The following MLLT1 variants were observed in gnomAD, a reference collection of about 807,000 sequenced individuals.
MLLT1 encodes protein ENL.
A neutral mutation model predicts 55.1 loss-of-function variants in MLLT1; 11 were observed. The ratio of observed to expected loss-of-function variants is 0.20; its 90% CI spans 0.13 to 0.33. MLLT1 has a LOEUF of 0.33. Among genes scored for constraint, MLLT1 ranks in the 10% least tolerant of loss-of-function variants. The pLI is 1.00. For missense variants in MLLT1, 536 were observed against 760.6 expected (o/e 0.70, Z 3.47); for synonymous variants, 323 against 320.1 (o/e 1.01, Z -0.10).
rs10413358 is a variant in MLLT1 at position 6,246,152 on chromosome 19, G to A, written c.277-15439C>T. ...AACCTGACCATATTCAAGGGCTGGCGAAGATTTGGAGCAACGGGAACTCTT... is the reference window on the plus strand; with the variant it reads ...AACCTGACCATATTCAAGGGCTGGCAAAGATTTGGAGCAACGGGAACTCTT... On this transcript the variant is annotated intron_variant, in intron 3 of 11. Coordinates refer to ENST00000252674, the MANE Select transcript of MLLT1 (RefSeq NM_005934.4). Among the ~76,000 whole-genome samples the A allele has an allele frequency of 2.3e-3, 344 of 150,240 alleles. 2 individuals carry two copies. The highest frequency in any genetic ancestry group is 7.9e-3 in the African/African-American group (326 of 41,018).
In MLLT1 at chr19:6,230,450, T is replaced by C. The variant is rs1271840903; in HGVS notation, c.420+120A>G. The C allele has an allele frequency of 4.0e-6, 5 of 1,250,852 alleles. No individual in the cohort carries two copies. The Admixed American group carries it at 9.8e-5, about 24-fold the overall frequency. 77.5% of individuals were successfully genotyped at this position (1,250,852 alleles called of 1,614,324 possible). ...CCTCCAGCTCTGCTGGGTGCTGCCG[T>C]GTGACCTGCGCCTTGGGTCTCGGCC... On this transcript the variant is annotated intron_variant, in intron 4 of 11. Transcript: ENST00000252674. This position sits in a 1 kb window ranked among gnomAD's most constrained non-coding sequence, Gnocchi z 9.0.
At position 6,211,836 on chromosome 19, in the gene MLLT1, C is replaced by T. The variant is rs1192126860; in HGVS notation, c.*1206G>A. 1.2e-5 allele frequency: 13 copies of T among 1,064,118 alleles called. No individual in the cohort carries two copies. The highest frequency in any genetic ancestry group is 1.6e-5 in the African/African-American group (1 of 60,970). The allele number at this position is 1,064,118 out of a possible 1,614,324, so 65.9% of individuals were successfully genotyped here. A position where few individuals can be genotyped will look rare whatever the true frequency, so the allele number is the denominator to read the frequency against. On this transcript the variant is annotated 3_prime_UTR_variant, in exon 12 of 12. Transcript: ENST00000252674. The surrounding 1 kb of genome is among the most constrained non-coding windows in gnomAD (Gnocchi z 4.6). ...AGGACCGGCTTGGCCCCTGGAGAAT[C>T]TCAGGCATACCAGGAGTGGGGCTGC...
Position 6,211,963 on chromosome 19 carries a change from G to A in MLLT1, c.*1079C>T, listed in dbSNP as rs1459989611. On this transcript the variant is annotated 3_prime_UTR_variant, in exon 12 of 12. Coordinates refer to ENST00000252674, the MANE Select transcript of MLLT1 (RefSeq NM_005934.4). This position sits in a 1 kb window ranked among gnomAD's most constrained non-coding sequence, Gnocchi z 4.6. ...GGAGGGCCAGCCCGGCCAACCCACC[G>A]GGCCTGCTGATGGCCGAGCCCACGC... is the stretch of plus-strand genomic sequence containing the variant. 30 of 1,065,126 alleles carry A rather than the reference G, an allele frequency of 2.8e-5. No homozygotes were observed. The highest frequency in any genetic ancestry group is 5.3e-5 in the Admixed American group (1 of 18,732). 66.0% of individuals were successfully genotyped at this position (1,065,126 alleles called of 1,614,324 possible). A position where few individuals can be genotyped will look rare whatever the true frequency, so the allele number is the denominator to read the frequency against.
intron 1 of MLLT1, among the ~76,000 whole-genome samples, chr19:6,275,732 G>A (rs1266566871): frequency 2.6e-5 from 4 of 152,170 alleles, no homozygotes; most frequent in South Asian, 2.1e-4. Flanking sequence ...ATGACAAAGC[G>A]ATGAGAAGGC....
At chr19:6,272,721 C>T (rs2091405172) in intron 1 of MLLT1, among the ~76,000 whole-genome samples, 1 of 152,192 alleles carries the variant, frequency 6.6e-6, no homozygotes, top group Non-Finnish European at 1.5e-5. Context: ...ATTAATTAAA[C>T]CAGAGAGCCT....
intron 2 of MLLT1, among the ~76,000 whole-genome samples, chr19:6,266,560 G>A (rs1012344931): frequency 2.6e-5 from 4 of 152,072 alleles, no homozygotes; most frequent in African/African-American, 7.2e-5. Context: ...AGGTTCAAGC[G>A]ATTTTCCTGC....
In MLLT1 at chr19:6,216,517, G is replaced by C. The variant is rs769044658; in HGVS notation, c.1199-4C>G. 2.5e-5 allele frequency: 39 copies of C among 1,577,480 alleles called. No individual in the cohort carries two copies. Among genetic ancestry groups the C allele is most frequent in the African/African-American group, 1.2e-4 (9 of 74,408 alleles). On this transcript the variant is annotated splice_region_variant and splice_polypyrimidine_tract_variant and intron_variant, in intron 7 of 11. Transcript: ENST00000252674. ...TCCACCATGGAGCGCAGGGGTCCTG[G>C]GGAGGCGGGGCAGGGAGGGAGGGGA...
At chr19:6,215,414 G>A (rs76163874) in intron 8 of MLLT1, among the ~76,000 whole-genome samples, 1,871 of 152,262 alleles carry the variant, frequency 0.012, 39 homozygotes, top group African/African-American at 0.042. Context: ...AGCCCTCCTC[G>A]TGTCTAGAGT....
At chr19:6,216,605 TTGACAC>T (rs1338701991) in intron 7 of MLLT1, 92 bp from the exon 8 acceptor site, 2 of 868,080 alleles carry the variant, frequency 2.3e-6, no homozygotes, top group Admixed American at 2.4e-5. Flanking sequence ...GCAGAGCTTC[TTGACAC>T]TGGTGACCCC....
At chr19:6,213,620 G>A in intron 10 of MLLT1, 106 bp downstream of exon 10, 1 of 1,174,070 alleles carries the variant, frequency 8.5e-7, no homozygotes, top group Admixed American at 1.8e-5. Context: ...TGCCCAGGAA[G>A]AGTCCAACTG....
At chr19:6,265,851 G>A (rs1340190705) in intron 2 of MLLT1, among the ~76,000 whole-genome samples, 2 of 147,488 alleles carry the variant, frequency 1.4e-5, no homozygotes, top group African/African-American at 5.0e-5. Context: ...TGGTGGTGGG[G>A]GCTTGTAGTC....
intron 1 of MLLT1, among the ~76,000 whole-genome samples, chr19:6,272,823 G>A (rs2091405880): frequency 6.6e-6 from 1 of 152,222 alleles, no homozygotes; most frequent in Admixed American, 6.5e-5. Context: ...TGGAAGAACT[G>A]GCCAGAGAGG....
rs2090782136 is a variant in MLLT1, at chr19:6,212,260, G to A, written c.*782C>T. ...CTTTGTAGTGTTGGCTGACCCCCCCGGGAGCCCCGGTAGGAGGCGGCGGCA... is the reference window on the plus strand; with the variant it reads ...CTTTGTAGTGTTGGCTGACCCCCCCAGGAGCCCCGGTAGGAGGCGGCGGCA... On this transcript the variant is annotated 3_prime_UTR_variant, in exon 12 of 12. Transcript: ENST00000252674. The A allele has an allele frequency of 5.1e-5, 54 of 1,064,798 alleles. No homozygotes were observed. The highest frequency in any genetic ancestry group is 5.6e-5 in the Non-Finnish European group (49 of 879,226). 66.0% of individuals were successfully genotyped at this position (1,064,798 alleles called of 1,614,324 possible).
chr19:6,211,810 G>A lies in MLLT1; in HGVS notation c.*1232C>T. The A allele has an allele frequency of 9.4e-7, 1 of 1,064,190 alleles. No homozygotes were observed. Among genetic ancestry groups the A allele is most frequent in the African/African-American group, 1.6e-5 (1 of 61,102 alleles). 65.9% of individuals were successfully genotyped at this position (1,064,190 alleles called of 1,614,324 possible). A position where few individuals can be genotyped will look rare whatever the true frequency, so the allele number is the denominator to read the frequency against. On this transcript the variant is annotated 3_prime_UTR_variant, in exon 12 of 12. Transcript: ENST00000252674. This position sits in a 1 kb window ranked among gnomAD's most constrained non-coding sequence, Gnocchi z 4.6. ...GGCCCTGGAAGAGTGGGCCGGGAAG[G>A]AGGACCGGCTTGGCCCCTGGAGAAT...
chr19:6,270,832 A>G lies in MLLT1; in HGVS notation c.13-73T>C. ...CAGGGGACTGTCCCCTTACCCACAG[A>G]GAACTTTCGATAAAGACCCCCAGCA... On this transcript the variant is annotated intron_variant, in intron 1 of 11. Coordinates refer to ENST00000252674, the MANE Select transcript of MLLT1 (RefSeq NM_005934.4). The surrounding 1 kb of genome is among the most constrained non-coding windows in gnomAD (Gnocchi z 7.1). 7.0e-7 allele frequency: 1 copy of G among 1,437,864 alleles called. No individual in the cohort carries two copies. Among genetic ancestry groups the G allele is most frequent in the African/African-American group, 1.4e-5 (1 of 70,454 alleles). 89.1% of individuals were successfully genotyped at this position (1,437,864 alleles called of 1,614,324 possible). A position where few individuals can be genotyped will look rare whatever the true frequency, so the allele number is the denominator to read the frequency against.
intron 3 of MLLT1, among the ~76,000 whole-genome samples, chr19:6,257,032 G>A (rs759493009): frequency 1.9e-4 from 29 of 152,302 alleles, no homozygotes; most frequent in African/African-American, 7.0e-4. Flanking sequence ...AAGTTCACTC[G>A]AAAATGGATC....
chr19:6,251,464 G>A (rs2091213636), intron 3 of MLLT1, among the ~76,000 whole-genome samples: 1 of 152,188 alleles, frequency 6.6e-6, no homozygotes, highest in South Asian at 2.1e-4. Context: ...CAGAGCCCTG[G>A]TCCTGAGCTT....
intron 1 of MLLT1, among the ~76,000 whole-genome samples, chr19:6,271,770 A>T (rs2091396804): frequency 6.6e-6 from 1 of 152,236 alleles, no homozygotes; most frequent in Non-Finnish European, 1.5e-5. Flanking sequence ...AAGTGCTGAG[A>T]TAGCCGGGAG....
intron 7 of MLLT1, chr19:6,216,718 TC>T (rs1443498075): frequency 8.8e-6 from 5 of 569,808 alleles, no homozygotes; most frequent in Non-Finnish European, 1.3e-5. Flanking sequence ...ACGCCCTGGC[TC>T]CCCCACCCCT....
Sources: gnomAD v4.1 joint callset for allele counts (sites outside exome capture counted in the v4.1 genomes callset) on GRCh38, gnomAD v4.1.1 for gene constraint, Gnocchi (gnomAD v3.1) non-coding constraint, MANE v1.5 for transcripts, NCBI Gene and HGNC (gene_info 2026-07-23, HGNC 2026-07-21) for gene names.